The following MAX variants were observed in gnomAD, a reference collection of about 807,000 sequenced individuals.
MAX encodes the protein protein max.
MAX carries 3 observed loss-of-function variants against 22.3 expected under a neutral mutation model. The observed-to-expected ratio is 0.13, with a 90% CI of 0.06 to 0.35. MAX has a LOEUF of 0.35. MAX is among the 10% of genes least tolerant of loss of function. MAX has a pLI of 1.00. For synonymous variants in MAX, 72 were observed against 77.7 expected, an observed-to-expected ratio of 0.93 and a Z score of 0.39; for missense variants, 119 against 209.4, an observed-to-expected ratio of 0.57 and a Z score of 2.66.
chr14:65,007,432 C>T lies in MAX; in HGVS notation c.172-1148G>A, dbSNP rs764049424. On this transcript the variant is annotated intron_variant, in intron 3 of 3. Coordinates refer to the MAX transcript ENST00000341653. The surrounding 1 kb of genome is among the most constrained non-coding windows in gnomAD (Gnocchi z 4.9). ...CACACATGCCCAGGACCACAGACCA[C>T]GCACAGGTCCAGGGATGCCTGTGAT... Among the ~76,000 whole-genome samples the T allele has an allele frequency of 1.3e-5, 2 of 152,308 alleles. No homozygotes were observed. Among genetic ancestry groups the T allele is most frequent in the South Asian group, 2.1e-4 (1 of 4,830 alleles).
rs2062001606 is a variant in MAX at position 65,027,338 on chromosome 14, C to T, written c.172-21054G>A. 6.6e-7 allele frequency: 1 copy of T among 1,512,382 alleles called. No individual in the cohort carries two copies. The highest frequency in any genetic ancestry group is 8.9e-7 in the Non-Finnish European group (1 of 1,121,190). 93.7% of individuals were successfully genotyped at this position (1,512,382 alleles called of 1,614,324 possible). On this transcript the variant is annotated intron_variant, in intron 3 of 3. Transcript: ENST00000341653. The surrounding 1 kb of genome is among the most constrained non-coding windows in gnomAD (Gnocchi z 5.7). ...TTCAACAAGTGGGAGGAGAGGTTCC[C>T]CTCAACTTTTGAGGGAGTGGGGGAT...
intron 3 of MAX, chr14:65,061,398 C>A: frequency 6.4e-7 from 1 of 1,558,068 alleles, no homozygotes; most frequent in Non-Finnish European, 8.7e-7. Flanking sequence ...GCATTCTGTG[C>A]TACACAAGCC....
At position 65,032,816 on chromosome 14, in the gene MAX, A is replaced by T. The variant is rs1373718624; in HGVS notation, c.172-26532T>A. 1 of 860,006 alleles carries T rather than the reference A, an allele frequency of 1.2e-6. No homozygotes were observed. Among genetic ancestry groups the T allele is most frequent in the Admixed American group, 3.5e-5 (1 of 28,210 alleles). 53.3% of individuals were successfully genotyped at this position (860,006 alleles called of 1,614,324 possible). On this transcript the variant is annotated intron_variant, in intron 3 of 3. Transcript: ENST00000341653. This position sits in a 1 kb window ranked among gnomAD's most constrained non-coding sequence, Gnocchi z 5.0. ...GAAATACAAAAATCACAGGAGATCC[A>T]TTAGGGTTATCTAATGATTTTTTTA...
chr14:65,010,926 A>C (rs1010359441), intron 3 of MAX, among the ~76,000 whole-genome samples: 1 of 152,158 alleles, frequency 6.6e-6, no homozygotes, highest in Middle Eastern at 3.2e-3. Context: ...ATTAAAATTG[A>C]ATTAAAATTT....
Position 65,095,153 on chromosome 14 carries a change from T to C in MAX, c.64-1338A>G, listed in dbSNP as rs186586797. Among the ~76,000 whole-genome samples, 35 of 152,376 alleles carry C rather than the reference T, an allele frequency of 2.3e-4. No individual in the cohort carries two copies. In the East Asian group the frequency reaches 5.6e-3, roughly 24 times the overall value. On this transcript the variant is annotated intron_variant, in intron 2 of 4. Coordinates refer to ENST00000358664, the MANE Select transcript of MAX (RefSeq NM_002382.5). ...CAGTCATTACAGAGGAAGAGGAGAC[T>C]GGGAGCACCTGTAGTCATCTGAGTT...
Position 65,023,888 on chromosome 14 carries a change from C to G in MAX, c.172-17604G>C, listed in dbSNP as rs2061931513. ...GGCCAAGGCGGGCGGATTGTCTGAG[C>G]TCGGGAGTTCGAGACCAGCCTGGGC... is the stretch of plus-strand genomic sequence containing the variant. On this transcript the variant is annotated intron_variant, in intron 3 of 3. Transcript: ENST00000341653. This position sits in a 1 kb window ranked among gnomAD's most constrained non-coding sequence, Gnocchi z 4.1. Among the ~76,000 whole-genome samples, 1 of 152,078 alleles carries G rather than the reference C, an allele frequency of 6.6e-6. No homozygotes were observed. Among genetic ancestry groups the G allele is most frequent in the Non-Finnish European group, 1.5e-5 (1 of 68,020 alleles).
chr14:65,053,081 C>A, intron 3 of MAX: 1 of 454,524 alleles, frequency 2.2e-6, no homozygotes, highest in South Asian at 9.9e-5. Context: ...ACATGCTGTG[C>A]GTAGGACATG....
intron 2 of MAX, chr14:65,094,079 G>T: frequency 2.2e-6 from 1 of 462,208 alleles, no homozygotes; most frequent in South Asian, 2.1e-5. Flanking sequence ...AAGTTATTCA[G>T]GGGGACAAAG....
In MAX at chr14:65,026,646, G is replaced by C. The variant is rs988330857; in HGVS notation, c.172-20362C>G. On this transcript the variant is annotated intron_variant, in intron 3 of 3. Coordinates refer to the MAX transcript ENST00000341653. ...AGGCTGCGGCGGGTGGATCACTTGAGGTCAGGTAGTTCAAGACCAGCCTGG... is the reference window on the plus strand; with the variant it reads ...AGGCTGCGGCGGGTGGATCACTTGACGTCAGGTAGTTCAAGACCAGCCTGG... Among the ~76,000 whole-genome samples, 5 of 152,228 alleles carry C rather than the reference G, an allele frequency of 3.3e-5. No homozygotes were observed. In the South Asian group the frequency reaches 1.0e-3, roughly 32 times the overall value.
At chr14:65,061,278 A>G in intron 3 of MAX, 1 of 1,614,162 alleles carries the variant, frequency 6.2e-7, no homozygotes, top group Non-Finnish European at 8.5e-7. Context: ...GAGGAGCTTA[A>G]GGATGAGACA....
rs770290869 is a variant in MAX at position 65,075,587 on chromosome 14, C to T, written c.*889G>A. ...TTATGAATCTGTCGCTTTGCAAGAC[C>T]GACATCATCAGAAATAGGTACAATT... On this transcript the variant is annotated 3_prime_UTR_variant, in exon 5 of 5. Transcript: ENST00000358664. This position sits in a 1 kb window ranked among gnomAD's most constrained non-coding sequence, Gnocchi z 4.1. The T allele has an allele frequency of 5.7e-5, 61 of 1,065,922 alleles. No individual in the cohort carries two copies. Among genetic ancestry groups the T allele is most frequent in the Middle Eastern group, 4.1e-4 (1 of 2,422 alleles). The allele number at this position is 1,065,922 out of a possible 1,614,324, so 66.0% of individuals were successfully genotyped here.
chr14:65,055,119 T>C (rs1364435190), intron 3 of MAX, among the ~76,000 whole-genome samples: 4 of 152,252 alleles, frequency 2.6e-5, no homozygotes, highest in African/African-American at 9.6e-5. Context: ...GAGAATGAGA[T>C]CCCCAGAATG....
chr14:65,092,292 A>G (rs963652055), intron 3 of MAX, among the ~76,000 whole-genome samples: 2 of 152,204 alleles, frequency 1.3e-5, no homozygotes, highest in South Asian at 2.1e-4. Flanking sequence ...TCACCCCTTG[A>G]GAAACACTGC....
intron 3 of MAX, among the ~76,000 whole-genome samples, chr14:65,022,521 TA>T (rs2139555981): frequency 6.6e-6 from 1 of 152,238 alleles, no homozygotes; most frequent in East Asian, 1.9e-4. Flanking sequence ...TTGTCTGTAA[TA>T]TTAAGCTTTT....
chr14:65,037,403 C>CTTTTTTTTTTTTTTTTTT lies in MAX; in HGVS notation c.172-31137_172-31120dup, dbSNP rs1555335876. On this transcript the variant is annotated intron_variant, in intron 3 of 3. Coordinates refer to the MAX transcript ENST00000341653. ...TAGGCGTGAGCCACCACGCCGGGCC[C>CTTTTTTTTTTTTTTTTTT]TTTTTTTTTTTTTTTTTTTTTTTTT... is the stretch of plus-strand genomic sequence containing the variant. Among the ~76,000 whole-genome samples, 14 of 29,646 alleles carry CTTTTTTTTTTTTTTTTTT rather than the reference C, an allele frequency of 4.7e-4. 1 individual carries two copies. Among genetic ancestry groups the CTTTTTTTTTTTTTTTTTT allele is most frequent in the Non-Finnish European group, 8.0e-4 (11 of 13,688 alleles). 19.4% of individuals were successfully genotyped at this position (29,646 alleles called of 152,430 possible).
chr14:65,049,002 C>T (rs2062549208), intron 3 of MAX, among the ~76,000 whole-genome samples: 1 of 152,130 alleles, frequency 6.6e-6, no homozygotes, highest in Admixed American at 6.5e-5. Flanking sequence ...GCCACGTTGC[C>T]TGTAATCCCA....
intron 3 of MAX, among the ~76,000 whole-genome samples, chr14:65,021,744 C>G (rs2061889679): frequency 6.6e-6 from 1 of 152,198 alleles, no homozygotes; most frequent in African/African-American, 2.4e-5. Context: ...CTTCCGGGTT[C>G]AAGCGATTCT....
intron 3 of MAX, among the ~76,000 whole-genome samples, chr14:65,042,943 T>C (rs2062385153): frequency 6.6e-6 from 1 of 152,202 alleles, no homozygotes; most frequent in Non-Finnish European, 1.5e-5. Context: ...TCTGTCTCTT[T>C]TAAGCATTTG....
chr14:65,048,997 G>A (rs537592161), intron 3 of MAX, among the ~76,000 whole-genome samples: 3 of 151,912 alleles, frequency 2.0e-5, no homozygotes, highest in Admixed American at 6.6e-5. Context: ...ATGGTGCCAC[G>A]TTGCCTGTAA....
Sources: gnomAD v4.1 joint callset for allele counts (sites outside exome capture counted in the v4.1 genomes callset) on GRCh38, gnomAD v4.1.1 for gene constraint, Gnocchi (gnomAD v3.1) non-coding constraint, MANE v1.5 for transcripts, NCBI Gene and HGNC (gene_info 2026-07-23, HGNC 2026-07-21) for gene names.